The following AKAP13 variants were observed in gnomAD, a reference collection of about 807,000 sequenced individuals.
The protein encoded by AKAP13 is A-kinase anchoring protein 13, also known as A-kinase anchor protein 13.
A neutral mutation model predicts 264.5 loss-of-function variants in AKAP13; 80 were observed. The ratio of observed to expected loss-of-function variants is 0.30; its 90% CI spans 0.25 to 0.36. AKAP13 has a LOEUF of 0.36. AKAP13 is among the 10% of genes least tolerant of loss of function. The pLI is 1.00. For missense variants in AKAP13, 3,712 were observed against 3,435.2 expected (o/e 1.08, Z -2.01); for synonymous variants, 1,380 against 1,250.2 (o/e 1.10, Z -2.19).
rs1310055429 is a variant in AKAP13 at position 85,741,286 on chromosome 15, G to T, written c.7849G>T (p.Ala2617Ser). ...TGAGAGGGAGCTGCGGGAGCGGGAG[G>T]CCCTCCTGGCCCAGCGCGAGGAGGA... Reference protein sequence around the residue: ...ARERELREREALLAQREEEVQ... With the variant: ...ARERELRERESLLAQREEEVQ... The change falls in exon 35 of 37, where the codon GCC (alanine) becomes TCC (serine). Residue 2617 changes from alanine (A) to serine (S), a missense_variant. By Grantham distance (99) the Ala-to-Ser change is moderately conservative. Around this residue, in one of 3 missense-constraint regions of AKAP13, gnomAD observed 611 missense variants for 539.3 expected, o/e 1.13. Coordinates refer to ENST00000394518, the MANE Select transcript of AKAP13 (RefSeq NM_007200.5). 1 of 1,610,910 alleles carries T rather than the reference G, an allele frequency of 6.2e-7. No individual in the cohort carries two copies. Among genetic ancestry groups the T allele is most frequent in the Admixed American group, 1.7e-5 (1 of 59,558 alleles).
intron 17 of AKAP13, among the ~76,000 whole-genome samples, chr15:85,706,363 C>G (rs1488077469): frequency 6.6e-6 from 1 of 152,172 alleles, no homozygotes; most frequent in Non-Finnish European, 1.5e-5. Context: ...TTTGCCTCGA[C>G]CACTTTGTTA....
intron 1 of AKAP13, among the ~76,000 whole-genome samples, chr15:85,409,699 C>T (rs1210562199): frequency 4.1e-5 from 6 of 147,484 alleles, no homozygotes; most frequent in Non-Finnish European, 8.9e-5. Context: ...GGTGCGATCT[C>T]GGCTCACTGC....
At chr15:85,562,263 A>G (rs1474994135) in intron 5 of AKAP13, among the ~76,000 whole-genome samples, 4 of 152,240 alleles carry the variant, frequency 2.6e-5, no homozygotes, top group South Asian at 2.1e-4. Flanking sequence ...AGTAGTATGC[A>G]TATTAAGAAT....
intron 1 of AKAP13, among the ~76,000 whole-genome samples, chr15:85,458,138 CA>C (rs368519731): frequency 1.9e-3 from 207 of 110,650 alleles, no homozygotes; most frequent in Middle Eastern, 5.5e-3. Flanking sequence ...GACTCCATCT[CA>C]AAAAAAAAAA....
At chr15:85,435,164 C>T (rs1281320717) in intron 1 of AKAP13, among the ~76,000 whole-genome samples, 6 of 141,744 alleles carry the variant, frequency 4.2e-5, no homozygotes, top group African/African-American at 7.9e-5. Flanking sequence ...TCGAGAACTA[C>T]GTGAAGAATG....
chr15:85,421,119 G>A (rs1371028573), intron 1 of AKAP13, among the ~76,000 whole-genome samples: 1 of 152,192 alleles, frequency 6.6e-6, no homozygotes, highest in Non-Finnish European at 1.5e-5. Flanking sequence ...TTAGAAAATG[G>A]TGACAGTCTC....
chr15:85,630,606 C>T (rs1022893868), intron 8 of AKAP13, among the ~76,000 whole-genome samples: 1 of 152,122 alleles, frequency 6.6e-6, no homozygotes, highest in African/African-American at 2.4e-5. Context: ...AGATACTTAA[C>T]ACAGTTTTTA....
At chr15:85,571,860 A>G (rs904548566) in intron 5 of AKAP13, among the ~76,000 whole-genome samples, 6 of 152,242 alleles carry the variant, frequency 3.9e-5, no homozygotes, top group Non-Finnish European at 8.8e-5. Context: ...GTGGGAAGAT[A>G]CTTGCAATGA....
chr15:85,682,551 A>G (rs1048990881), intron 15 of AKAP13, among the ~76,000 whole-genome samples: 2 of 152,012 alleles, frequency 1.3e-5, no homozygotes, highest in African/African-American at 2.4e-5. Context: ...TTTGTTTCAT[A>G]TTAGTGTCTG....
chr15:85,606,258 C>T (rs1414045052), intron 8 of AKAP13, among the ~76,000 whole-genome samples: 2 of 151,844 alleles, frequency 1.3e-5, no homozygotes, highest in Non-Finnish European at 2.9e-5. Flanking sequence ...CCCACCACCA[C>T]GCCCAGCTGA....
chr15:85,735,185 A>G (rs1168227261), intron 31 of AKAP13, 35 bp downstream of exon 31: 4 of 1,599,854 alleles, frequency 2.5e-6, no homozygotes, highest in East Asian at 2.2e-5. Flanking sequence ...TTTATAGGCA[A>G]TCCTTGACTA....
rs766417251 is a variant in AKAP13, at chr15:85,743,520, G to C, written c.8087G>C (p.Arg2696Thr). 3 of 1,614,126 alleles carry C rather than the reference G, an allele frequency of 1.9e-6. No individual in the cohort carries two copies. Among genetic ancestry groups the C allele is most frequent in the Non-Finnish European group, 2.5e-6 (3 of 1,180,006 alleles). Residue 2696 changes from arginine to threonine, a missense_variant, in exon 36 of 37, where the codon AGG becomes ACG. By Grantham distance (71) the Arg-to-Thr change is moderately conservative (BLOSUM62 -1). Transcript: ENST00000394518. ...TCCCATCCACATACCAAGCTGATGA[G>C]GATCCCATCGTTCTTCCCCAGTCCT... ...QVSHPHTKLM[R>T]IPSFFPSPEE...
chr15:85,499,070 A>G (rs2075969457), intron 2 of AKAP13, among the ~76,000 whole-genome samples: 1 of 152,220 alleles, frequency 6.6e-6, no homozygotes, highest in Admixed American at 6.5e-5. Flanking sequence ...TTGCCTGTAA[A>G]GATGCATGGG....
chr15:85,593,775 C>G (rs1394916616), intron 8 of AKAP13, among the ~76,000 whole-genome samples: 3 of 138,572 alleles, frequency 2.2e-5, no homozygotes, highest in Non-Finnish European at 4.7e-5. Flanking sequence ...CTCTTTCTGT[C>G]TACTACTTAC....
chr15:85,386,414 C>A (rs2070565046), intron 1 of AKAP13, among the ~76,000 whole-genome samples: 1 of 151,954 alleles, frequency 6.6e-6, no homozygotes, highest in African/African-American at 2.4e-5. Flanking sequence ...CTGCCTCAGC[C>A]TCCTGAGTAG....
chr15:85,497,251 A>G (rs1350552159), intron 2 of AKAP13, among the ~76,000 whole-genome samples: 1 of 152,258 alleles, frequency 6.6e-6, no homozygotes, highest in East Asian at 1.9e-4. Context: ...ATTTGATCTT[A>G]GAGGAATAGA....
intron 8 of AKAP13, among the ~76,000 whole-genome samples, chr15:85,605,087 T>G (rs1164789250): frequency 6.6e-6 from 1 of 150,768 alleles, no homozygotes; most frequent in African/African-American, 2.5e-5. Context: ...ATTACCTAAT[T>G]TCCTAGATAA....
chr15:85,717,478 T>A, intron 21 of AKAP13, 76 bp downstream of exon 21: 1 of 1,005,198 alleles, frequency 9.9e-7, no homozygotes, highest in Non-Finnish European at 1.5e-6. Context: ...ACATAAGTCT[T>A]AATGGAGTGA....
chr15:85,510,565 T>C (rs2151119246), intron 2 of AKAP13, among the ~76,000 whole-genome samples: 1 of 152,334 alleles, frequency 6.6e-6, no homozygotes, highest in Non-Finnish European at 1.5e-5. Flanking sequence ...ATCCCAGTAA[T>C]GGATGGCAGT....
Sources: gnomAD v4.1 joint callset for allele counts (sites outside exome capture counted in the v4.1 genomes callset) on GRCh38, gnomAD v4.1.1 for gene constraint, gnomAD v4.1.1 regional missense constraint, MANE v1.5 for transcripts, NCBI Gene and HGNC (gene_info 2026-07-23, HGNC 2026-07-21) for gene names.